Variants in SLC22A24 observed in about 807,000 individuals in gnomAD.
SLC22A24 encodes solute carrier family 22 member 24.
Under a neutral mutation model 49.8 loss-of-function variants are expected in SLC22A24, and 53 were observed. The ratio of observed to expected loss-of-function variants is 1.06; its 90% CI spans 0.85 to 1.34. SLC22A24 has a LOEUF of 1.34. SLC22A24 is among the 40% of genes most tolerant of loss of function. SLC22A24 has a pLI of 0.00. For synonymous variants in SLC22A24, 302 were observed against 256.4 expected (o/e 1.18, Z -1.70); for missense variants, 786 against 675.9 (o/e 1.16, Z -1.81).
chr11:63,126,857 G>T (rs2087294610), intron 2 of SLC22A24, among the ~76,000 whole-genome samples: 1 of 152,042 alleles, frequency 6.6e-6, no homozygotes, highest in East Asian at 1.9e-4. Context: ...CCTTGAAGAG[G>T]TCCATCAGAT....
In SLC22A24 at chr11:63,143,620, G is replaced by A; in HGVS notation, c.160C>T (p.Leu54=). Reference sequence around the variant, plus strand: ...TTGTCAGACACAGTGTCATTGTCCAGGAGGGGGACCCAGCAGCGATGACTA... The same window carrying A: ...TTGTCAGACACAGTGTCATTGTCCAAGAGGGGGACCCAGCAGCGATGACTA... ...TPSHRCWVPL[L]DNDTVSDNDT... is the part of the protein sequence containing the mutation. Residue 54 remains leucine (L), a synonymous_variant, in exon 1 of 10, where the codon CTG becomes TTG. Coordinates refer to ENST00000612278, the MANE Select transcript of SLC22A24 (RefSeq NM_001136506.2). The A allele has an allele frequency of 6.3e-7, 1 of 1,587,592 alleles. No homozygotes were observed. Among genetic ancestry groups the A allele is most frequent in the Non-Finnish European group, 8.6e-7 (1 of 1,167,628 alleles).
chr11:63,107,669 C>T (rs2087130790), intron 4 of SLC22A24, among the ~76,000 whole-genome samples: 1 of 151,926 alleles, frequency 6.6e-6, no homozygotes, highest in Non-Finnish European at 1.5e-5. Context: ...AGTTGGATTC[C>T]TAGGTATTTT....
rs200632257 is a variant in SLC22A24, at chr11:63,101,317, T to TA, written c.954+2857dup. On this transcript the variant is annotated intron_variant, in intron 5 of 9. Transcript: ENST00000612278. ...GCAATGTTACTACTTGTTTTTTTTT[T>TA]AAATTACACTAGGTAAGTGTTTATT... Among the ~76,000 whole-genome samples, 675 of 152,068 alleles carry TA rather than the reference T, an allele frequency of 4.4e-3. 5 individuals carry two copies. Among genetic ancestry groups the TA allele is most frequent in the African/African-American group, 0.016 (652 of 41,510 alleles).
At chr11:63,087,024 G>GCGCGCACACA (rs376936925) in intron 6 of SLC22A24, among the ~76,000 whole-genome samples, 26,489 of 132,466 alleles carry the variant, frequency 0.2, 2,689 homozygotes, top group East Asian at 0.31. Flanking sequence ...CCTGGAGGGC[G>GCGCGCACACA]CACACACACA....
intron 6 of SLC22A24, among the ~76,000 whole-genome samples, chr11:63,084,900 T>G (rs1255342040): frequency 6.6e-6 from 1 of 152,144 alleles, no homozygotes; most frequent in African/African-American, 2.4e-5. Flanking sequence ...ATATATGTAT[T>G]ACTAAGATGA....
At chr11:63,091,267 C>T (rs1226557245) in intron 6 of SLC22A24, among the ~76,000 whole-genome samples, 2 of 152,132 alleles carry the variant, frequency 1.3e-5, no homozygotes, top group Non-Finnish European at 2.9e-5. Context: ...TGAGTAATAG[C>T]CTACCAACCA....
intron 8 of SLC22A24, 109 bp from the exon 9 acceptor site, chr11:63,081,232 A>G: frequency 2.2e-6 from 2 of 925,834 alleles, no homozygotes; most frequent in South Asian, 3.4e-5. Flanking sequence ...TACTAAACAC[A>G]TGGGCTTTGA....
chr11:63,121,111 AAC>A (rs773686423), intron 2 of SLC22A24, among the ~76,000 whole-genome samples: 6 of 152,166 alleles, frequency 3.9e-5, no homozygotes, highest in Non-Finnish European at 7.4e-5. Flanking sequence ...GTACAACACA[AAC>A]ACTGAGCCCT....
chr11:63,087,029 C>CACACACAT (rs2086991340), intron 6 of SLC22A24, among the ~76,000 whole-genome samples: 1 of 103,618 alleles, frequency 9.7e-6, no homozygotes, highest in Admixed American at 1.2e-4. Context: ...AGGGCGCACA[C>CACACACAT]ACACACACAC....
intron 2 of SLC22A24, among the ~76,000 whole-genome samples, chr11:63,126,294 C>T (rs1428493780): frequency 6.6e-6 from 1 of 152,134 alleles, no homozygotes; most frequent in Non-Finnish European, 1.5e-5. Context: ...GGTTTTAGGT[C>T]TTACTTTTAA....
At chr11:63,098,371 TA>T (rs1166209032) in intron 5 of SLC22A24, among the ~76,000 whole-genome samples, 1 of 152,120 alleles carries the variant, frequency 6.6e-6, no homozygotes, top group Non-Finnish European at 1.5e-5. Context: ...CCAAAATGTA[TA>T]AAAACTTCAA....
At chr11:63,125,382 C>T (rs891595420) in intron 2 of SLC22A24, among the ~76,000 whole-genome samples, 1 of 152,102 alleles carries the variant, frequency 6.6e-6, no homozygotes, top group Non-Finnish European at 1.5e-5. Flanking sequence ...TGTTCAACTC[C>T]CACTTCTGAG....
At chr11:63,116,044 T>G in intron 4 of SLC22A24, 1 of 339,298 alleles carries the variant, frequency 2.9e-6, no homozygotes, top group Non-Finnish European at 5.5e-6. Flanking sequence ...AGGTGGGCAA[T>G]GTAGGCAAGT....
At chr11:63,081,912 C>T (rs1446517750) in intron 7 of SLC22A24, among the ~76,000 whole-genome samples, 1 of 152,010 alleles carries the variant, frequency 6.6e-6, no homozygotes, top group African/African-American at 2.4e-5. Flanking sequence ...TTGAGTATTG[C>T]CAATTAAGGT....
intron 4 of SLC22A24, among the ~76,000 whole-genome samples, chr11:63,105,526 G>A (rs957033249): frequency 6.6e-6 from 1 of 152,242 alleles, no homozygotes; most frequent in Non-Finnish European, 1.5e-5. Flanking sequence ...TCAATACCAC[G>A]TGGAAGCTGC....
chr11:63,125,843 T>C lies in SLC22A24; in HGVS notation c.507-6508A>G, dbSNP rs182132757. On this transcript the variant is annotated intron_variant, in intron 2 of 9. Coordinates refer to ENST00000612278, the MANE Select transcript of SLC22A24 (RefSeq NM_001136506.2). ...GTTGTTTCCTGACTTTTTAAATGAT[T>C]GCCATTCTAACTGGTGTGAGATGGT... is the stretch of plus-strand genomic sequence containing the variant. 1.8e-4 allele frequency among the ~76,000 whole-genome samples: 27 copies of C among 152,260 alleles called. No individual in the cohort carries two copies. The East Asian group carries it at 4.2e-3, about 24-fold the overall frequency.
chr11:63,081,133 C>A lies in SLC22A24; in HGVS notation c.1395-10G>T. The A allele has an allele frequency of 6.5e-7, 1 of 1,549,170 alleles. No individual in the cohort carries two copies. Among genetic ancestry groups the A allele is most frequent in the Non-Finnish European group, 8.7e-7 (1 of 1,144,814 alleles). ...TCCTGCAACTGTTGACCTTAGAGTG[C>A]AAATAACAATACAAAAAATCTTGTA... On this transcript the variant is annotated splice_polypyrimidine_tract_variant and intron_variant, in intron 8 of 9. Coordinates refer to ENST00000612278, the MANE Select transcript of SLC22A24 (RefSeq NM_001136506.2).
chr11:63,130,414 C>T (rs927261309), intron 2 of SLC22A24, among the ~76,000 whole-genome samples: 2 of 152,176 alleles, frequency 1.3e-5, no homozygotes, highest in African/African-American at 4.8e-5. Flanking sequence ...CAATGTTCAT[C>T]AGGGATGTTG....
chr11:63,094,737 G>A (rs1225715482), intron 6 of SLC22A24, among the ~76,000 whole-genome samples: 12 of 152,172 alleles, frequency 7.9e-5, no homozygotes, highest in South Asian at 4.2e-4. Flanking sequence ...GCCAGTGATG[G>A]TGAGCATTTT....
Sources: gnomAD v4.1 joint callset for allele counts (sites outside exome capture counted in the v4.1 genomes callset) on GRCh38, gnomAD v4.1.1 for gene constraint, MANE v1.5 for transcripts, NCBI Gene and HGNC (gene_info 2026-07-23, HGNC 2026-07-21) for gene names.